AKT3: variants seen among roughly 807,000 people sequenced by gnomAD.
AKT3 encodes the protein AKT serine/threonine kinase 3.
Under a neutral mutation model 65.3 loss-of-function variants are expected in AKT3, and 15 were observed. The ratio of observed to expected loss-of-function variants is 0.23; its 90% confidence interval spans 0.15 to 0.35. The LOEUF (loss-of-function observed/expected upper bound fraction) is 0.35, where lower values mean the gene tolerates loss of function less well. Ranked by LOEUF, AKT3 falls within the 10% of genes least tolerant of loss-of-function variation. AKT3 has a pLI of 1.00. For synonymous variants in AKT3, 206 were observed against 183.8 expected (o/e 1.12, Z -0.98); for missense variants, 243 against 576.5 (o/e 0.42, Z 5.92).
chr1:243,772,605 C>T (rs971791107), intron 2 of AKT3, among the ~76,000 whole-genome samples: 6 of 152,144 alleles, frequency 3.9e-5, no homozygotes, highest in Admixed American at 6.5e-5. Flanking sequence ...TAAACTGGTT[C>T]AACCATTGTG....
At chr1:243,755,326 C>T (rs774499364) in intron 2 of AKT3, among the ~76,000 whole-genome samples, 113 of 151,690 alleles carry the variant, frequency 7.4e-4, no homozygotes, top group African/African-American at 2.5e-3. Context: ...CTGCCCGCCT[C>T]GGCCACCAAA....
intron 2 of AKT3, among the ~76,000 whole-genome samples, chr1:243,706,647 G>A (rs1197584886): frequency 6.6e-6 from 1 of 152,092 alleles, no homozygotes; most frequent in Admixed American, 6.6e-5. Context: ...TCCCTCCTTT[G>A]TTCTCCTTAG....
chr1:243,583,540 C>CAAAAAAA (rs1294857854), intron 8 of AKT3, among the ~76,000 whole-genome samples: 1 of 30,028 alleles, frequency 3.3e-5, no homozygotes, highest in African/African-American at 1.0e-4. Context: ...AAGTAAGTCT[C>CAAAAAAA]AAAAAAAAAA....
At chr1:243,832,673 C>A (rs1353088472) in intron 2 of AKT3, among the ~76,000 whole-genome samples, 2 of 152,106 alleles carry the variant, frequency 1.3e-5, no homozygotes, top group Non-Finnish European at 2.9e-5. Flanking sequence ...TTCCTTGAAA[C>A]TAGAGTGGAA....
chr1:243,788,452 G>A (rs201833643), intron 2 of AKT3, among the ~76,000 whole-genome samples: 23 of 152,058 alleles, frequency 1.5e-4, no homozygotes, highest in African/African-American at 5.1e-4. Flanking sequence ...GACTGATTCC[G>A]GGACCCACTA....
At chr1:243,720,606 T>G (rs1348971069) in intron 2 of AKT3, among the ~76,000 whole-genome samples, 1 of 152,048 alleles carries the variant, frequency 6.6e-6, no homozygotes, top group Non-Finnish European at 1.5e-5. Flanking sequence ...GTCTAAAAGA[T>G]GTGAGGAGAA....
intron 6 of AKT3, 123 bp downstream of exon 6, chr1:243,637,488 G>C (rs1680061920): frequency 1.4e-6 from 1 of 692,254 alleles, no homozygotes; most frequent in Non-Finnish European, 2.2e-6. Flanking sequence ...TGTAGCAGTA[G>C]TCTACAACCA....
chr1:243,608,241 T>C (rs949010891), intron 8 of AKT3, among the ~76,000 whole-genome samples: 4 of 152,174 alleles, frequency 2.6e-5, no homozygotes, highest in Non-Finnish European at 5.9e-5. Context: ...CTATCCATCA[T>C]TGACTTCAAC....
At chr1:243,623,806 C>T (rs570067852) in intron 6 of AKT3, among the ~76,000 whole-genome samples, 1 of 152,342 alleles carries the variant, frequency 6.6e-6, no homozygotes, top group African/African-American at 2.4e-5. Flanking sequence ...TCCATAATCA[C>T]ATGAGCCAAT....
intron 8 of AKT3, among the ~76,000 whole-genome samples, chr1:243,602,979 T>G (rs1226648325): frequency 6.6e-6 from 1 of 152,134 alleles, no homozygotes; most frequent in African/African-American, 2.4e-5. Flanking sequence ...TGGAAACAAG[T>G]CCTAAGTAGA....
chr1:243,613,204 T>C (rs1172258004), intron 8 of AKT3, among the ~76,000 whole-genome samples: 1 of 150,076 alleles, frequency 6.7e-6, no homozygotes, highest in East Asian at 1.9e-4. Context: ...CACACACATA[T>C]ATATATATAT....
At chr1:243,514,162 C>T (rs1670196510) in intron 12 of AKT3, among the ~76,000 whole-genome samples, 2 of 152,132 alleles carry the variant, frequency 1.3e-5, no homozygotes, top group South Asian at 4.1e-4. Flanking sequence ...AAGTTAACCA[C>T]AAGAAATTCC....
In AKT3 at chr1:243,773,290, A is replaced by G. The variant is rs139966079; in HGVS notation, c.46+69835T>C. 1.6e-3 allele frequency among the ~76,000 whole-genome samples: 237 copies of G among 151,698 alleles called. 1 individual carries two copies. Among genetic ancestry groups the G allele is most frequent in the African/African-American group, 5.5e-3 (228 of 41,476 alleles). On this transcript the variant is annotated intron_variant, in intron 2 of 13. Transcript: ENST00000673466. ...TGTAAAGGAATTCTGGAGGGTAATT[A>G]AAGATATTGTCATGTTCACCGAGTA...
intron 8 of AKT3, among the ~76,000 whole-genome samples, chr1:243,594,502 G>A (rs972786091): frequency 3.3e-5 from 5 of 152,138 alleles, no homozygotes; most frequent in Non-Finnish European, 7.4e-5. Flanking sequence ...AGTTAGCGTG[G>A]TACTGATGTA....
intron 2 of AKT3, among the ~76,000 whole-genome samples, chr1:243,717,794 G>C (rs1031558431): frequency 5.9e-5 from 9 of 152,108 alleles, no homozygotes; most frequent in Non-Finnish European, 8.8e-5. Flanking sequence ...TTACAGATTA[G>C]GAAACCAAGA....
rs1692175389 is a variant in AKT3 at position 243,798,409 on chromosome 1, T to TG, written c.46+44715_46+44716insC. Reference sequence around the variant, plus strand: ...TAATTTTTAATTTTTTTTTTTTTTTTTTTTTTTTGTTTTGTAGAGATGTGG... The same window carrying TG: ...TAATTTTTAATTTTTTTTTTTTTTTTGTTTTTTTTGTTTTGTAGAGATGTGG... On this transcript the variant is annotated intron_variant, in intron 2 of 13. Coordinates refer to ENST00000673466, the MANE Select transcript of AKT3 (RefSeq NM_005465.7). Among the ~76,000 whole-genome samples, 5 of 133,764 alleles carry TG rather than the reference T, an allele frequency of 3.7e-5. No homozygotes were observed. The East Asian group carries it at 6.4e-4, about 17-fold the overall frequency. 87.8% of individuals were successfully genotyped at this position (133,764 alleles called of 152,430 possible). A position where few individuals can be genotyped will look rare whatever the true frequency, so the allele number is the denominator to read the frequency against.
intron 2 of AKT3, among the ~76,000 whole-genome samples, chr1:243,813,873 G>A (rs1462467542): frequency 1.3e-5 from 2 of 152,158 alleles, no homozygotes; most frequent in Non-Finnish European, 2.9e-5. Context: ...TGGAGGCCAA[G>A]GCAGGAGGAT....
chr1:243,714,642 T>C (rs927542498), intron 2 of AKT3, among the ~76,000 whole-genome samples: 11 of 152,136 alleles, frequency 7.2e-5, no homozygotes, highest in Admixed American at 3.9e-4. Context: ...ATTTATTAAA[T>C]AGTTATTAAG....
At chr1:243,582,795 C>A (rs1675475757) in intron 8 of AKT3, among the ~76,000 whole-genome samples, 1 of 152,006 alleles carries the variant, frequency 6.6e-6, no homozygotes, top group Non-Finnish European at 1.5e-5. Flanking sequence ...AAACACCTCA[C>A]TTAAAAGGCA....
Sources: allele counts gnomAD v4.1 joint callset (sites outside exome capture counted in the v4.1 genomes callset), GRCh38; gene constraint gnomAD v4.1.1; transcripts MANE v1.5; gene names NCBI Gene and HGNC (gene_info 2026-07-23, HGNC 2026-07-21).